WHR1: variants seen among roughly 807,000 people sequenced by gnomAD.
The protein encoded by WHR1 is winged helix repair factor 1, also known as MHC class III HLA-RP1.
chr6:31,972,659 T>C, the WHR1 span: 1 of 1,598,912 alleles, frequency 6.3e-7, no homozygotes. The surrounding 1 kb of genome is among the most constrained non-coding windows in gnomAD (Gnocchi z 6.3). Context: ...CATGCAGCTG[T>C]TCCCGCGAGG....
At chr6:31,979,708 T>G in the WHR1 span, 3 of 977,764 alleles carry the variant, frequency 3.1e-6, no homozygotes, top group Non-Finnish European at 4.4e-6. Context: ...CAAGTTTGTA[T>G]TCCTCCCCAC....
At chr6:31,977,551 G>C in the WHR1 span, among the ~76,000 whole-genome samples, 1 of 151,486 alleles carries the variant, frequency 6.6e-6, no homozygotes, top group Non-Finnish European at 1.5e-5. Context: ...GGGTTTCACC[G>C]TGTTAGCCAG....
At chr6:31,972,443 A>C in the WHR1 span, 9 of 1,612,922 alleles carry the variant, frequency 5.6e-6, no homozygotes, top group African/African-American at 1.2e-4. This position sits in a 1 kb window ranked among gnomAD's most constrained non-coding sequence, Gnocchi z 6.3. Context: ...CTGATCCCGG[A>C]GACCTTTGGA....
chr6:31,979,335 A>C, the WHR1 span: 41 of 1,573,690 alleles, frequency 2.6e-5, no homozygotes, highest in Non-Finnish European at 3.3e-5. Flanking sequence ...TAAGACAGGA[A>C]GAGAAATGCT....
At chr6:31,974,548 T>A in the WHR1 span, among the ~76,000 whole-genome samples, 2 of 152,154 alleles carry the variant, frequency 1.3e-5, no homozygotes, top group African/African-American at 4.8e-5. Context: ...TGAGACCCCA[T>A]CTTTACTAAA....
chr6:31,980,715 G>C, the WHR1 span: 1 of 1,609,280 alleles, frequency 6.2e-7, no homozygotes. Context: ...TCCTATCAGA[G>C]CTCCTGGGCC....
chr6:31,978,888 T>C, the WHR1 span: 2 of 1,612,084 alleles, frequency 1.2e-6, no homozygotes, highest in African/African-American at 2.7e-5. Context: ...TTCACTCTCT[T>C]CTCTGTGGAG....
chr6:31,977,453 C>A, the WHR1 span, among the ~76,000 whole-genome samples: 42,006 of 151,182 alleles, frequency 0.28, 7,112 homozygotes, highest in Admixed American at 0.41. Context: ...CCCATTCTCC[C>A]GCCTCAGCCT....
chr6:31,972,812 C>T, the WHR1 span: 51 of 1,599,380 alleles, frequency 3.2e-5, no homozygotes, highest in Non-Finnish European at 4.2e-5. This position sits in a 1 kb window ranked among gnomAD's most constrained non-coding sequence, Gnocchi z 6.3. Context: ...CTGGAATTCC[C>T]TGTCACTCAG....
At chr6:31,976,099 C>T in the WHR1 span, among the ~76,000 whole-genome samples, 1 of 146,044 alleles carries the variant, frequency 6.8e-6, no homozygotes, top group Admixed American at 6.7e-5. Context: ...GACCCCCCAC[C>T]TCCCTCCCGG....
the WHR1 span, among the ~76,000 whole-genome samples, chr6:31,976,493 G>A: frequency 1.3e-5 from 2 of 151,696 alleles, no homozygotes; most frequent in Non-Finnish European, 2.9e-5. Flanking sequence ...ATGAGCGGCC[G>A]GGCAGAGACG....
the WHR1 span, among the ~76,000 whole-genome samples, chr6:31,976,386 C>A: frequency 1.3e-5 from 2 of 151,680 alleles, no homozygotes; most frequent in East Asian, 2.0e-4. Context: ...TGGGCAGAGA[C>A]CCTCCTCACC....
chr6:31,980,320 G>A, the WHR1 span: 14 of 828,120 alleles, frequency 1.7e-5, no homozygotes, highest in East Asian at 2.7e-4. Flanking sequence ...CCCAGGCTGG[G>A]ATTTTGTTAT....
At chr6:31,981,025 C>A in the WHR1 span, 1 of 506,942 alleles carries the variant, frequency 2.0e-6, no homozygotes, top group African/African-American at 4.2e-5. Context: ...CTTCAGGAAC[C>A]CTCCTCCGCC....
chr6:31,980,344 C>A, the WHR1 span: 1 of 1,024,686 alleles, frequency 9.8e-7, no homozygotes, highest in Non-Finnish European at 1.4e-6. Context: ...GTCTCTCTTG[C>A]ATGGTTGCCC....
chr6:31,972,196 G>C, the WHR1 span: 22 of 1,611,856 alleles, frequency 1.4e-5, no homozygotes, highest in African/African-American at 2.7e-4. This position sits in a 1 kb window ranked among gnomAD's most constrained non-coding sequence, Gnocchi z 6.3. Context: ...CGTGGGGCCC[G>C]GCCTGGCGGA....
the WHR1 span, chr6:31,971,670 A>G: frequency 6.2e-7 from 1 of 1,604,224 alleles, no homozygotes; most frequent in Non-Finnish European, 8.5e-7. This position sits in a 1 kb window ranked among gnomAD's most constrained non-coding sequence, Gnocchi z 4.5. Context: ...TCCCCCTGGG[A>G]TCCATGAGGT....
At chr6:31,971,896 G>C in the WHR1 span, 1 of 1,503,732 alleles carries the variant, frequency 6.7e-7, no homozygotes, top group South Asian at 1.3e-5. The surrounding 1 kb of genome is among the most constrained non-coding windows in gnomAD (Gnocchi z 4.5). Flanking sequence ...AGGTTAGGAA[G>C]GACGTCTGCG....
At chr6:31,976,530 G>A in the WHR1 span, among the ~76,000 whole-genome samples, 2 of 152,100 alleles carry the variant, frequency 1.3e-5, no homozygotes, top group East Asian at 1.9e-4. Context: ...TGGGATGGCG[G>A]CCGGGCAGAG....
Sources: allele counts gnomAD v4.1 joint callset (sites outside exome capture counted in the v4.1 genomes callset), GRCh38; gene constraint gnomAD v4.1.1; non-coding constraint Gnocchi (gnomAD v3.1); transcripts MANE v1.5; gene names NCBI Gene and HGNC (gene_info 2026-07-23, HGNC 2026-07-21).